Variants in SPIRE1 observed in about 807,000 individuals in gnomAD.
SPIRE1 encodes the protein spire type actin nucleation factor 1, also known as protein spire homolog 1.
SPIRE1 carries 40 observed loss-of-function variants against 94.1 expected under a neutral mutation model. The observed-to-expected ratio is 0.43, with a 90% CI of 0.33 to 0.55. SPIRE1 has a LOEUF of 0.55. SPIRE1 is among the 20% of genes least tolerant of loss of function. The probability of loss-of-function intolerance (pLI) is 0.06; values close to 1 mark genes in which losing one functional copy is unlikely to be tolerated. For synonymous variants in SPIRE1, 376 were observed against 371.7 expected (o/e 1.01, Z -0.13); for missense variants, 838 against 975.2 (o/e 0.86, Z 1.87).
intron 9 of SPIRE1, among the ~76,000 whole-genome samples, chr18:12,482,011 G>A (rs1220745557): frequency 6.6e-6 from 1 of 151,938 alleles, no homozygotes; most frequent in Non-Finnish European, 1.5e-5. Context: ...ACTATAATTG[G>A]AGTTATCATA....
At chr18:12,581,290 ATAT>A (rs1314024000) in intron 2 of SPIRE1, among the ~76,000 whole-genome samples, 1 of 152,196 alleles carries the variant, frequency 6.6e-6, no homozygotes, top group Non-Finnish European at 1.5e-5. Flanking sequence ...CTTATTCAAA[ATAT>A]TATTACTATA....
intron 4 of SPIRE1, among the ~76,000 whole-genome samples, chr18:12,528,467 G>A (rs1193141682): frequency 6.6e-6 from 1 of 152,192 alleles, no homozygotes; most frequent in Non-Finnish European, 1.5e-5. Context: ...GCATTTTCTA[G>A]GTAGCGAAGA....
intron 6 of SPIRE1, among the ~76,000 whole-genome samples, chr18:12,505,832 T>G (rs1463426123): frequency 2.0e-5 from 3 of 152,138 alleles, no homozygotes. Context: ...ATATTGAATA[T>G]ATAATGACAT....
Position 12,568,801 on chromosome 18 carries a change from AT to A in SPIRE1, c.373-21898del, listed in dbSNP as rs559779902. On this transcript the variant is annotated intron_variant, in intron 2 of 16. Transcript: ENST00000409402. ...ATAAATTATTTCCTCTCAGACATAT[AT>A]GGTTTAAAGTTAGATATGGAACTTA... Among the ~76,000 whole-genome samples the A allele has an allele frequency of 1.2e-4, 18 of 152,348 alleles. No individual in the cohort carries two copies. The East Asian group carries it at 2.5e-3, about 21-fold the overall frequency.
At chr18:12,450,881 G>T (rs1422966981) in intron 16 of SPIRE1, 1 of 719,644 alleles carries the variant, frequency 1.4e-6, no homozygotes, top group African/African-American at 1.8e-5. Flanking sequence ...CACTAAGGCG[G>T]CAAAGCTGAA....
At chr18:12,516,517 C>G (rs1345135348) in intron 4 of SPIRE1, among the ~76,000 whole-genome samples, 1 of 152,140 alleles carries the variant, frequency 6.6e-6, no homozygotes, top group Non-Finnish European at 1.5e-5. Context: ...CTTTGAGATT[C>G]TGGATCCAAC....
intron 3 of SPIRE1, among the ~76,000 whole-genome samples, chr18:12,542,022 G>A (rs1366000431): frequency 6.6e-6 from 1 of 151,684 alleles, no homozygotes; most frequent in South Asian, 2.1e-4. Context: ...TGCTGCCCAG[G>A]CTGGAGTGCA....
chr18:12,605,626 A>G (rs954868752), intron 2 of SPIRE1, among the ~76,000 whole-genome samples: 1 of 152,234 alleles, frequency 6.6e-6, no homozygotes, highest in Non-Finnish European at 1.5e-5. Context: ...AATCTCAGAA[A>G]CGTGGTTTTA....
chr18:12,590,789 G>T (rs1335317115), intron 2 of SPIRE1, among the ~76,000 whole-genome samples: 5 of 152,156 alleles, frequency 3.3e-5, no homozygotes, highest in African/African-American at 9.7e-5. Flanking sequence ...GGCAGGAGAG[G>T]CACCTTTTCT....
intron 2 of SPIRE1, among the ~76,000 whole-genome samples, chr18:12,563,223 G>A (rs1053908764): frequency 2.0e-5 from 3 of 151,066 alleles, no homozygotes; most frequent in African/African-American, 7.3e-5. Context: ...AAAAAAATCT[G>A]AGTTCTAGGT....
At chr18:12,556,517 GGTGT>G (rs2035509647) in intron 2 of SPIRE1, among the ~76,000 whole-genome samples, 1 of 152,192 alleles carries the variant, frequency 6.6e-6, no homozygotes, top group South Asian at 2.1e-4. Flanking sequence ...TCTTAAAGAT[GGTGT>G]GTCCGGAGTT....
In SPIRE1 at chr18:12,656,629, T is replaced by C. The variant is rs1025236750; in HGVS notation, c.337+901A>G. 4.9e-6 allele frequency: 4 copies of C among 816,910 alleles called. No homozygotes were observed. In the African/African-American group the frequency reaches 7.4e-5, roughly 15 times the overall value. 50.6% of individuals were successfully genotyped at this position (816,910 alleles called of 1,614,324 possible). On this transcript the variant is annotated intron_variant, in intron 1 of 16. Transcript: ENST00000409402. ...TCTAAAAGTGAGGGTAGATTGTTTT[T>C]CTATGTTTTTAATAGACTTGCCTCT...
At chr18:12,511,005 C>T (rs2034017388) in intron 5 of SPIRE1, among the ~76,000 whole-genome samples, 1 of 152,044 alleles carries the variant, frequency 6.6e-6, no homozygotes, top group South Asian at 2.1e-4. Context: ...ATGAATAAAC[C>T]ACATTATCTG....
chr18:12,633,002 C>T (rs1567980792), intron 2 of SPIRE1, among the ~76,000 whole-genome samples: 1 of 152,118 alleles, frequency 6.6e-6, no homozygotes, highest in African/African-American at 2.4e-5. Context: ...GTTTATGAAA[C>T]ATTTTAATAT....
At chr18:12,603,660 C>T (rs113971333) in intron 2 of SPIRE1, among the ~76,000 whole-genome samples, 30 of 151,860 alleles carry the variant, frequency 2.0e-4, no homozygotes, top group Admixed American at 3.9e-4. Context: ...CTGCAACCTC[C>T]GCCTCCTGGG....
intron 1 of SPIRE1, among the ~76,000 whole-genome samples, chr18:12,641,902 G>A (rs2038097640): frequency 6.8e-6 from 1 of 147,726 alleles, no homozygotes; most frequent in African/African-American, 2.5e-5. Flanking sequence ...CATGATCTTG[G>A]CTCACTACAG....
intron 10 of SPIRE1, 128 bp downstream of exon 10, chr18:12,479,571 C>A (rs2032762650): frequency 4.7e-6 from 4 of 849,864 alleles, no homozygotes; most frequent in Non-Finnish European, 6.9e-6. Context: ...TAATTTTAAT[C>A]CTAGCTTTAC....
intron 10 of SPIRE1, among the ~76,000 whole-genome samples, chr18:12,474,523 C>T (rs1242076224): frequency 1.3e-5 from 2 of 152,116 alleles, no homozygotes; most frequent in Non-Finnish European, 1.5e-5. Context: ...AGTTTTGGCA[C>T]TTAAAAACAT....
intron 2 of SPIRE1, among the ~76,000 whole-genome samples, chr18:12,570,341 G>C (rs1191540555): frequency 1.3e-5 from 2 of 152,212 alleles, no homozygotes; most frequent in East Asian, 3.8e-4. Context: ...CTGAAATGGA[G>C]ATGACCTATA....
Sources: allele counts gnomAD v4.1 joint callset (sites outside exome capture counted in the v4.1 genomes callset), GRCh38; gene constraint gnomAD v4.1.1; transcripts MANE v1.5; gene names NCBI Gene and HGNC (gene_info 2026-07-23, HGNC 2026-07-21).